Variants in DSCAML1 observed in about 807,000 individuals in gnomAD.
The protein encoded by DSCAML1 is DS cell adhesion molecule like 1.
In DSCAML1, 38 loss-of-function variants were observed where a neutral mutation model predicts 200.5. The observed-to-expected ratio is 0.19, with a 90% confidence interval of 0.15 to 0.25. The LOEUF (loss-of-function observed/expected upper bound fraction) is 0.25. Ranked by LOEUF, DSCAML1 falls within the 10% of genes least tolerant of loss-of-function variation. DSCAML1 has a pLI of 1.00. For missense variants in DSCAML1, 2,223 were observed against 2,858.8 expected, an observed-to-expected ratio of 0.78 and a Z score of 5.07; for synonymous variants, 1,215 against 1,165.0, an observed-to-expected ratio of 1.04 and a Z score of -0.87.
intron 4 of DSCAML1, 88 bp downstream of exon 4, chr11:117,532,288 A>C (rs2080250793): frequency 7.2e-7 from 1 of 1,384,686 alleles, no homozygotes; most frequent in Non-Finnish European, 9.8e-7. Flanking sequence ...GGGCTCCTCC[A>C]TCTGCGGTGG....
intron 29 of DSCAML1, among the ~76,000 whole-genome samples, chr11:117,432,826 G>A (rs927949737): frequency 6.7e-6 from 1 of 149,206 alleles, no homozygotes; most frequent in African/African-American, 2.5e-5. Context: ...GCCCAGGCTT[G>A]TCTCGAACTT....
upstream of DSCAML1, chr11:117,801,049 T>A (rs1442283820): frequency 6.6e-6 from 1 of 152,224 alleles, no homozygotes; most frequent in Non-Finnish European, 1.5e-5. Flanking sequence ...ACTTTTGGTA[T>A]TATATAGCTA....
At chr11:117,750,254 G>A (rs1470806190) in intron 3 of DSCAML1, among the ~76,000 whole-genome samples, 1 of 152,220 alleles carries the variant, frequency 6.6e-6, no homozygotes, top group African/African-American at 2.4e-5. Flanking sequence ...GCACACCCTG[G>A]CACTGCCCCT....
intron 3 of DSCAML1, among the ~76,000 whole-genome samples, chr11:117,666,192 G>C (rs1358428192): frequency 6.6e-6 from 1 of 152,140 alleles, no homozygotes; most frequent in Non-Finnish European, 1.5e-5. Flanking sequence ...CCAGCCTCCG[G>C]TGCTTCCTAC....
chr11:117,465,084 C>T lies in DSCAML1; in HGVS notation c.3123G>A (p.Glu1041=). Residue 1041 remains glutamate, a synonymous_variant, in exon 17 of 33, where the codon GAG becomes GAA. Coordinates refer to ENST00000651296, the MANE Select transcript of DSCAML1 (RefSeq NM_020693.4). ...CCTCGCTGTCCCCCGTGGCCTTCAT[C>T]TCCACGATGCTGTACTGCCCGTTGC... ...PGSNGQYSIV[E]MKATGDSEVY... is the part of the protein sequence containing the mutation. The T allele has an allele frequency of 6.2e-7, 1 of 1,603,386 alleles. No individual in the cohort carries two copies.
chr11:117,480,463 A>G lies in DSCAML1; in HGVS notation c.2765T>C (p.Ile922Thr), dbSNP rs1260935258. ...CCTACCTGATTTGTTCTTGTATTCA[A>G]TGTCGAAGCCCGTGATGATGCTGTT... is the stretch of plus-strand genomic sequence containing the variant. ...DGNSIITGFD[I>T]EYKNKSDSWD... The change falls in exon 14 of 33, where the codon ATT becomes ACT. Residue 922 changes from isoleucine to threonine, a missense_variant. Transcript: ENST00000651296. The surrounding 1 kb of genome is among the most constrained non-coding windows in gnomAD (Gnocchi z 4.1). The G allele has an allele frequency of 3.1e-6, 5 of 1,613,506 alleles. No homozygotes were observed. In the East Asian group the frequency reaches 6.7e-5, roughly 22 times the overall value.
intron 3 of DSCAML1, among the ~76,000 whole-genome samples, chr11:117,641,834 T>C (rs941054819): frequency 2.0e-5 from 3 of 152,132 alleles, no homozygotes; most frequent in African/African-American, 4.8e-5. Flanking sequence ...GCATCTATGG[T>C]GCACCTACTG....
At chr11:117,622,487 A>C (rs1196157284) in intron 3 of DSCAML1, among the ~76,000 whole-genome samples, 1 of 152,144 alleles carries the variant, frequency 6.6e-6, no homozygotes, top group Non-Finnish European at 1.5e-5. Flanking sequence ...GATCCTGCAC[A>C]TGGGCCTCTG....
At chr11:117,796,219 A>C (rs1204006673) in intron 1 of DSCAML1, among the ~76,000 whole-genome samples, 1 of 152,178 alleles carries the variant, frequency 6.6e-6, no homozygotes, top group Non-Finnish European at 1.5e-5. Flanking sequence ...GACATGCCGG[A>C]CACCTGGACC....
chr11:117,456,298 A>T (rs2048367013), intron 19 of DSCAML1, among the ~76,000 whole-genome samples: 1 of 152,234 alleles, frequency 6.6e-6, no homozygotes, highest in African/African-American at 2.4e-5. Context: ...CCAACCCTGG[A>T]GCTGTCCTAC....
At chr11:117,699,464 A>C (rs527803297) in intron 3 of DSCAML1, among the ~76,000 whole-genome samples, 14 of 152,342 alleles carry the variant, frequency 9.2e-5, no homozygotes, top group African/African-American at 3.4e-4. Context: ...GAGAGACGGC[A>C]AAGTCCGAAG....
chr11:117,633,630 A>C (rs2052219620), intron 3 of DSCAML1, among the ~76,000 whole-genome samples: 1 of 152,234 alleles, frequency 6.6e-6, no homozygotes, highest in Non-Finnish European at 1.5e-5. Flanking sequence ...ATCCTTCAGC[A>C]TGTGGGAGAA....
chr11:117,784,453 C>T (rs1001989346), intron 1 of DSCAML1, among the ~76,000 whole-genome samples: 9 of 152,148 alleles, frequency 5.9e-5, no homozygotes, highest in Admixed American at 1.3e-4. Flanking sequence ...CTATGTGCCA[C>T]GCTGAAGACT....
At chr11:117,517,923 T>G (rs2049806725) in intron 7 of DSCAML1, among the ~76,000 whole-genome samples, 1 of 152,298 alleles carries the variant, frequency 6.6e-6, no homozygotes, top group African/African-American at 2.4e-5. Context: ...CCTCTTACTC[T>G]TGATGGTGTG....
chr11:117,619,317 G>A (rs933084815), intron 3 of DSCAML1, among the ~76,000 whole-genome samples: 1 of 152,170 alleles, frequency 6.6e-6, no homozygotes, highest in Non-Finnish European at 1.5e-5. Context: ...TATTGGCCTG[G>A]GGCACCCGAT....
At chr11:117,440,430 G>C (rs2048019838) in intron 21 of DSCAML1, among the ~76,000 whole-genome samples, 1 of 152,206 alleles carries the variant, frequency 6.6e-6, no homozygotes, top group Non-Finnish European at 1.5e-5. Context: ...CACATGTCAA[G>C]AAGAGGGAAT....
At chr11:117,491,484 G>A (rs544087069) in intron 11 of DSCAML1, among the ~76,000 whole-genome samples, 2 of 152,326 alleles carry the variant, frequency 1.3e-5, no homozygotes, top group East Asian at 1.9e-4. Flanking sequence ...TGTGAATGTT[G>A]GCCAGGTGTG....
chr11:117,814,757 G>A (rs986496768), intron 1 of DSCAML1, among the ~76,000 whole-genome samples: 1 of 152,214 alleles, frequency 6.6e-6, no homozygotes, highest in Non-Finnish European at 1.5e-5. Flanking sequence ...GTGCTAGAGA[G>A]AGCAGGTCAG....
At position 117,640,226 on chromosome 11, in the gene DSCAML1, G is replaced by A. The variant is rs75845350; in HGVS notation, c.512-107704C>T. 8.0e-4 allele frequency among the ~76,000 whole-genome samples: 122 copies of A among 152,146 alleles called. 1 individual carries two copies. Among genetic ancestry groups the A allele is most frequent in the South Asian group, 2.3e-3 (11 of 4,822 alleles). On this transcript the variant is annotated intron_variant, in intron 3 of 32. Coordinates refer to ENST00000651296, the MANE Select transcript of DSCAML1 (RefSeq NM_020693.4). ...CTTGCCACTCCCACCTGGCAAACCC[G>A]CCCCACAGCCCTCTCATGGACCAAG...
Sources: allele counts gnomAD v4.1 joint callset (sites outside exome capture counted in the v4.1 genomes callset), GRCh38; gene constraint gnomAD v4.1.1; non-coding constraint Gnocchi (gnomAD v3.1); transcripts MANE v1.5; gene names NCBI Gene and HGNC (gene_info 2026-07-23, HGNC 2026-07-21).